TRAK1: variants seen among roughly 807,000 people sequenced by gnomAD.
TRAK1 encodes trafficking kinesin-binding protein 1.
Under a neutral mutation model 92.1 loss-of-function variants are expected in TRAK1, and 33 were observed. That is an observed-to-expected ratio of 0.36 (90% CI 0.27 to 0.48). The LOEUF is 0.48. Ranked by LOEUF, TRAK1 falls within the 20% of genes least tolerant of loss-of-function variation. The pLI is 0.99. For synonymous variants in TRAK1, 521 were observed against 517.3 expected, an observed-to-expected ratio of 1.01 and a Z score of -0.10; for missense variants, 1,123 against 1,257.9, an observed-to-expected ratio of 0.89 and a Z score of 1.62.
chr3:42,176,706 T>C, intron 2 of TRAK1, 108 bp from the exon 3 acceptor site: 1 of 965,296 alleles, frequency 1.0e-6, no homozygotes, highest in Non-Finnish European at 1.7e-6. Flanking sequence ...CCAGTGACCC[T>C]CTGTGTCTAA....
chr3:42,065,001 C>T (rs1057390872), intron 1 of TRAK1, among the ~76,000 whole-genome samples: 20 of 152,098 alleles, frequency 1.3e-4, no homozygotes, highest in Middle Eastern at 3.4e-3. Context: ...GGTGTGAATC[C>T]GGGAGGTGGA....
intron 1 of TRAK1, among the ~76,000 whole-genome samples, chr3:42,116,958 T>C (rs1302058732): frequency 6.6e-6 from 1 of 152,156 alleles, no homozygotes; most frequent in Non-Finnish European, 1.5e-5. Flanking sequence ...GAAGTCCCAG[T>C]GTGCAGACTG....
chr3:42,128,477 G>T (rs1365528738), intron 2 of TRAK1, among the ~76,000 whole-genome samples: 1 of 152,180 alleles, frequency 6.6e-6, no homozygotes, highest in Non-Finnish European at 1.5e-5. Flanking sequence ...GAACGATCAG[G>T]TGTTAACTCT....
At chr3:42,027,078 T>C (rs1471598785) in intron 1 of TRAK1, among the ~76,000 whole-genome samples, 3 of 152,226 alleles carry the variant, frequency 2.0e-5, no homozygotes, top group Non-Finnish European at 4.4e-5. Flanking sequence ...ATTTCAAATT[T>C]GATATTTTGA....
chr3:42,147,407 G>A (rs953456952), intron 2 of TRAK1, among the ~76,000 whole-genome samples: 2 of 152,168 alleles, frequency 1.3e-5, no homozygotes, highest in Non-Finnish European at 2.9e-5. Flanking sequence ...CCTCCAGGGT[G>A]TAAGTGGTAG....
chr3:42,201,196 C>T (rs1030626012), intron 12 of TRAK1, 142 bp downstream of exon 12: 22 of 868,518 alleles, frequency 2.5e-5, no homozygotes, highest in East Asian at 5.3e-5. Context: ...TGGTGGCTCG[C>T]GCCTATAATC....
At chr3:42,211,112 C>T (rs1708979384) in intron 14 of TRAK1, 1 of 985,226 alleles carries the variant, frequency 1.0e-6, no homozygotes, top group Non-Finnish European at 1.2e-6. Context: ...CCTGAGGATT[C>T]ACCAGGTTAG....
chr3:42,220,731 T>C, intron 15 of TRAK1: 1 of 433,030 alleles, frequency 2.3e-6, no homozygotes. Flanking sequence ...GCCTTGATGG[T>C]CGATGCCCCT....
chr3:42,096,875 A>G (rs919729175), intron 1 of TRAK1, among the ~76,000 whole-genome samples: 1 of 152,252 alleles, frequency 6.6e-6, no homozygotes, highest in African/African-American at 2.4e-5. Context: ...TCTTAGAAGC[A>G]TTGGCTTAAA....
At chr3:42,079,477 CTT>C (rs748826131) in intron 1 of TRAK1, among the ~76,000 whole-genome samples, 22 of 136,222 alleles carry the variant, frequency 1.6e-4, no homozygotes, top group Non-Finnish European at 1.4e-4. Context: ...GCTCCTTCTT[CTT>C]TTTTTTTTTT....
Position 42,202,535 on chromosome 3 carries a change from C to T in TRAK1, c.1527C>T (p.Tyr509=). The T allele has an allele frequency of 1.3e-6, 2 of 1,561,878 alleles. No homozygotes were observed. Among genetic ancestry groups the T allele is most frequent in the Non-Finnish European group, 1.7e-6 (2 of 1,147,022 alleles). ...LRRLSLRREN[Y]LSERRFFEEE... The stretch of plus-strand genomic sequence containing the variant: ...GGCTGTCCCTGCGCCGGGAGAACTA[C>T]CTCTCGGAGAGGAGGTTCTTTGAGG... Residue 509 remains tyrosine (Y), a synonymous_variant, in exon 13 of 16, where the codon TAC becomes TAT. Transcript: ENST00000327628. This position sits in a 1 kb window ranked among gnomAD's most constrained non-coding sequence, Gnocchi z 6.1.
intron 3 of TRAK1, among the ~76,000 whole-genome samples, chr3:42,177,861 A>T (rs550504614): frequency 1.1e-3 from 163 of 152,166 alleles, no homozygotes; most frequent in African/African-American, 3.8e-3. Flanking sequence ...TGACGTGGGG[A>T]AGTCACAAAC....
rs551533697 is a variant in TRAK1 at position 42,120,544 on chromosome 3, T to A, written c.92-4876T>A. On this transcript the variant is annotated intron_variant, in intron 1 of 15. Transcript: ENST00000327628. ...TCTTGCCTCTGCTTCCTGTGCTTTT[T>A]TTTGTTTTGTTTTGTTTGAGATGGA... 4.5e-4 allele frequency among the ~76,000 whole-genome samples: 68 copies of A among 151,852 alleles called. No individual in the cohort carries two copies. In the South Asian group the frequency reaches 0.014, roughly 31 times the overall value.
chr3:42,103,512 A>G lies in TRAK1; in HGVS notation c.91+11952A>G, dbSNP rs75472170. On this transcript the variant is annotated intron_variant, in intron 1 of 15. Coordinates refer to ENST00000327628, the MANE Select transcript of TRAK1 (RefSeq NM_001042646.3). ...TACGCTTTCAAAGATTTCTACTGTC[A>G]TTGTTCTTGATTCCGACAGGCTTGC... Among the ~76,000 whole-genome samples the G allele has an allele frequency of 2.6e-3, 397 of 152,184 alleles. 1 individual carries two copies. Among genetic ancestry groups the G allele is most frequent in the African/African-American group, 9.2e-3 (382 of 41,514 alleles).
At chr3:42,154,953 A>G (rs1301612206) in intron 2 of TRAK1, among the ~76,000 whole-genome samples, 2 of 152,024 alleles carry the variant, frequency 1.3e-5, no homozygotes, top group Non-Finnish European at 2.9e-5. Context: ...GGAGGTGGGG[A>G]CGTTGAGGGT....
intron 1 of TRAK1, among the ~76,000 whole-genome samples, chr3:42,063,052 C>T (rs1703514894): frequency 6.6e-6 from 1 of 152,188 alleles, no homozygotes; most frequent in South Asian, 2.1e-4. Context: ...GTCAGAATTC[C>T]AGGCCTGGTT....
At chr3:42,054,231 A>T (rs781531011) in intron 1 of TRAK1, among the ~76,000 whole-genome samples, 118 of 152,360 alleles carry the variant, frequency 7.7e-4, no homozygotes, top group African/African-American at 2.4e-3. Flanking sequence ...TTGTCAACAT[A>T]ATCAATAAAT....
chr3:42,096,229 C>G (rs1705888570), intron 1 of TRAK1, among the ~76,000 whole-genome samples: 1 of 152,184 alleles, frequency 6.6e-6, no homozygotes, highest in Non-Finnish European at 1.5e-5. Context: ...AACGAATCCT[C>G]TTAAAAACAT....
In TRAK1 at chr3:42,202,386, G is replaced by A. The variant is rs1437354209; in HGVS notation, c.1428-50G>A. 6.9e-7 allele frequency: 1 copy of A among 1,448,532 alleles called. No homozygotes were observed. Among genetic ancestry groups the A allele is most frequent in the Admixed American group, 2.4e-5 (1 of 41,730 alleles). 89.7% of individuals were successfully genotyped at this position (1,448,532 alleles called of 1,614,324 possible). ...TGCATTGAGCAGTCGGGCCTCTGTG[G>A]CCTTGGAGCCCTGCTGGCATTCCAC... On this transcript the variant is annotated intron_variant, in intron 12 of 15. Transcript: ENST00000327628. This position sits in a 1 kb window ranked among gnomAD's most constrained non-coding sequence, Gnocchi z 6.1.
Sources: allele counts gnomAD v4.1 joint callset (sites outside exome capture counted in the v4.1 genomes callset), GRCh38; gene constraint gnomAD v4.1.1; non-coding constraint Gnocchi (gnomAD v3.1); transcripts MANE v1.5; gene names NCBI Gene and HGNC (gene_info 2026-07-23, HGNC 2026-07-21).